Variants in SEMA6D observed in about 807,000 individuals in gnomAD.
SEMA6D encodes the protein semaphorin 6D, also known as semaphorin-6D.
Under a neutral mutation model 106.6 loss-of-function variants are expected in SEMA6D, and 35 were observed. That is an observed-to-expected ratio of 0.33 (90% CI 0.25 to 0.44). The LOEUF (loss-of-function observed/expected upper bound fraction) is 0.44. Ranked by LOEUF, SEMA6D falls within the 20% of genes least tolerant of loss-of-function variation. The probability of loss-of-function intolerance (pLI) is 1.00; values close to 1 mark genes in which losing one functional copy is unlikely to be tolerated. For missense variants in SEMA6D, 1,185 were observed against 1,345.9 expected, an observed-to-expected ratio of 0.88 and a Z score of 1.87; for synonymous variants, 499 against 487.7, an observed-to-expected ratio of 1.02 and a Z score of -0.31.
chr15:47,666,669 C>G (rs12439175), intron 4 of SEMA6D, among the ~76,000 whole-genome samples: 138,758 of 152,194 alleles, frequency 0.91, 64,659 homozygotes, highest in East Asian at 1. Flanking sequence ...TATCAAAATA[C>G]AGCTAAATTG....
At chr15:47,465,667 TTCTC>T (rs1260949073) in intron 2 of SEMA6D, among the ~76,000 whole-genome samples, 1 of 152,110 alleles carries the variant, frequency 6.6e-6, no homozygotes, top group Non-Finnish European at 1.5e-5. Context: ...CACCTCCTCC[TTCTC>T]TCTCTTCCTC....
chr15:47,488,393 C>T (rs181026013), intron 3 of SEMA6D, among the ~76,000 whole-genome samples: 2 of 151,746 alleles, frequency 1.3e-5, no homozygotes, highest in East Asian at 3.9e-4. Context: ...TTATGCTATA[C>T]ATGTGATTTT....
At chr15:47,366,098 A>G (rs1261960710) in intron 1 of SEMA6D, among the ~76,000 whole-genome samples, 1 of 152,182 alleles carries the variant, frequency 6.6e-6, no homozygotes, top group Admixed American at 6.5e-5. Flanking sequence ...CTGGGACAAA[A>G]CTGATCACAA....
intron 2 of SEMA6D, among the ~76,000 whole-genome samples, chr15:47,421,810 A>G (rs1293080966): frequency 6.6e-6 from 1 of 152,030 alleles, no homozygotes; most frequent in Non-Finnish European, 1.5e-5. Flanking sequence ...GTTGATGGTA[A>G]GAAGTTATCA....
chr15:47,615,876 C>T (rs1482246659), intron 4 of SEMA6D, among the ~76,000 whole-genome samples: 1 of 152,216 alleles, frequency 6.6e-6, no homozygotes, highest in Non-Finnish European at 1.5e-5. Flanking sequence ...ATGAGCTTTG[C>T]ATTTTAAATC....
intron 1 of SEMA6D, among the ~76,000 whole-genome samples, chr15:47,308,943 C>G (rs1360902893): frequency 2.0e-5 from 3 of 152,104 alleles, no homozygotes; most frequent in Non-Finnish European, 2.9e-5. Context: ...ATGGAGTAAA[C>G]AAAGTTAAAA....
chr15:47,223,689 C>G (rs549816266), intron 1 of SEMA6D, among the ~76,000 whole-genome samples: 1 of 151,990 alleles, frequency 6.6e-6, no homozygotes, highest in Non-Finnish European at 1.5e-5. Context: ...GTCTTGCCAG[C>G]TTTGGTCATC....
intron 4 of SEMA6D, chr15:47,605,176 G>C (rs2076752498): frequency 6.6e-6 from 1 of 152,184 alleles, no homozygotes; most frequent in South Asian, 2.1e-4. Context: ...CCATCTGAAT[G>C]CTGGGCTGGG....
intron 1 of SEMA6D, among the ~76,000 whole-genome samples, chr15:47,745,514 T>A (rs561622682): frequency 6.6e-6 from 1 of 152,382 alleles, no homozygotes; most frequent in South Asian, 2.1e-4. Flanking sequence ...CTGAGTTTGC[T>A]TAATACCCTC....
intron 2 of SEMA6D, among the ~76,000 whole-genome samples, chr15:47,447,087 C>T (rs1158596234): frequency 6.6e-6 from 1 of 152,116 alleles, no homozygotes; most frequent in Non-Finnish European, 1.5e-5. Context: ...GGGCATTTGC[C>T]TCATTCATGG....
chr15:47,337,615 G>C (rs542351641), intron 1 of SEMA6D, among the ~76,000 whole-genome samples: 15 of 152,306 alleles, frequency 9.8e-5, no homozygotes, highest in Non-Finnish European at 7.3e-5. Context: ...AATGGGCAGA[G>C]AGATATGCTC....
intron 1 of SEMA6D, among the ~76,000 whole-genome samples, chr15:47,355,106 C>T (rs938437428): frequency 6.6e-6 from 1 of 152,036 alleles, no homozygotes; most frequent in South Asian, 2.1e-4. Context: ...AAATTATTTG[C>T]GTCAGAGGTC....
chr15:47,701,373 T>C (rs555485293), intron 4 of SEMA6D, among the ~76,000 whole-genome samples: 9 of 151,952 alleles, frequency 5.9e-5, no homozygotes, highest in South Asian at 2.1e-4. Context: ...GGGAGGGGGA[T>C]TGGGGAGATG....
intron 3 of SEMA6D, among the ~76,000 whole-genome samples, chr15:47,481,718 A>G (rs2043158529): frequency 6.6e-6 from 1 of 152,206 alleles, no homozygotes; most frequent in South Asian, 2.1e-4. Context: ...TGTAATCAGC[A>G]TGGACTATTT....
intron 1 of SEMA6D, among the ~76,000 whole-genome samples, chr15:47,308,265 T>G (rs1287868550): frequency 6.6e-6 from 1 of 152,136 alleles, no homozygotes; most frequent in African/African-American, 2.4e-5. Flanking sequence ...CACATGGCCA[T>G]TGTATGTTGT....
At chr15:47,210,380 TA>T (rs1297794563) in intron 1 of SEMA6D, among the ~76,000 whole-genome samples, 2 of 152,184 alleles carry the variant, frequency 1.3e-5, no homozygotes, top group Admixed American at 6.5e-5. Context: ...CAAGCTGTGA[TA>T]TTTTTTAGGA....
intron 3 of SEMA6D, among the ~76,000 whole-genome samples, chr15:47,520,247 C>A (rs2044528282): frequency 6.6e-6 from 1 of 152,134 alleles, no homozygotes. Context: ...AGAATTATGT[C>A]CTGGGAATTT....
At chr15:47,575,006 A>G (rs1011631401) in intron 3 of SEMA6D, among the ~76,000 whole-genome samples, 1 of 152,230 alleles carries the variant, frequency 6.6e-6, no homozygotes, top group East Asian at 1.9e-4. Flanking sequence ...CAAAAATGCA[A>G]TGCCACAGTG....
intron 1 of SEMA6D, among the ~76,000 whole-genome samples, chr15:47,210,399 A>G (rs1895405119): frequency 6.6e-6 from 1 of 152,114 alleles, no homozygotes; most frequent in Admixed American, 6.5e-5. Context: ...GGATAGGTAT[A>G]CTTGGCCATG....
Sources: allele counts gnomAD v4.1 joint callset (sites outside exome capture counted in the v4.1 genomes callset), GRCh38; gene constraint gnomAD v4.1.1; transcripts MANE v1.5; gene names NCBI Gene and HGNC (gene_info 2026-07-23, HGNC 2026-07-21).